Variants in QRSL1 observed in about 807,000 individuals in gnomAD.
QRSL1 encodes the protein glutamyl-tRNA(Gln) amidotransferase subunit A, mitochondrial.
Under a neutral mutation model 61.6 loss-of-function variants are expected in QRSL1, and 54 were observed. The observed-to-expected ratio is 0.88, with a 90% CI of 0.70 to 1.10. The LOEUF (loss-of-function observed/expected upper bound fraction) is 1.10. Ranked by LOEUF, QRSL1 falls within the 50% of genes least tolerant of loss-of-function variation. The pLI is 0.00. For missense variants in QRSL1, 505 were observed against 622.6 expected (o/e 0.81, Z 2.01); for synonymous variants, 228 against 225.7 (o/e 1.01, Z -0.09).
intron 1 of QRSL1, 137 bp downstream of exon 1, chr6:106,629,842 C>T: frequency 9.5e-7 from 1 of 1,048,626 alleles, no homozygotes; most frequent in Non-Finnish European, 1.4e-6. Context: ...GGGATAAGTA[C>T]CTTTCGATTC....
At chr6:106,643,553 G>C (rs1777056047) in intron 4 of QRSL1, among the ~76,000 whole-genome samples, 1 of 152,056 alleles carries the variant, frequency 6.6e-6, no homozygotes, top group Non-Finnish European at 1.5e-5. Flanking sequence ...GGTGGCGCAT[G>C]CCTGTAATCC....
Position 106,666,052 on chromosome 6 carries a change from AC to A in QRSL1, c.*52del. On this transcript the variant is annotated 3_prime_UTR_variant, in exon 11 of 11. Coordinates refer to ENST00000369046, the MANE Select transcript of QRSL1 (RefSeq NM_018292.5). Reference sequence around the variant, plus strand: ...TTTTAGGCTGGGTGCAGTGGCTCACACCTGTAATCCCAGCACTTTGGGAGGC... The same window carrying A: ...TTTTAGGCTGGGTGCAGTGGCTCACACTGTAATCCCAGCACTTTGGGAGGC... 1 of 1,480,836 alleles carries A rather than the reference AC, an allele frequency of 6.8e-7. No homozygotes were observed. The highest frequency in any genetic ancestry group is 9.4e-7 in the Non-Finnish European group (1 of 1,065,592). The allele number at this position is 1,480,836 out of a possible 1,614,324, so 91.7% of individuals were successfully genotyped here.
At chr6:106,660,250 G>C (rs2114717086) in intron 9 of QRSL1, among the ~76,000 whole-genome samples, 1 of 152,216 alleles carries the variant, frequency 6.6e-6, no homozygotes, top group East Asian at 1.9e-4. Flanking sequence ...CCAAGCCGGA[G>C]TGCATTGGCA....
At chr6:106,642,199 G>A (rs183537700) in intron 3 of QRSL1, among the ~76,000 whole-genome samples, 1 of 152,068 alleles carries the variant, frequency 6.6e-6, no homozygotes, top group Non-Finnish European at 1.5e-5. Flanking sequence ...GAAATTACAG[G>A]CATGCACCAC....
chr6:106,661,953 C>T lies in QRSL1; in HGVS notation c.1161-1027C>T, dbSNP rs183553598. Among the ~76,000 whole-genome samples, 37 of 152,124 alleles carry T rather than the reference C, an allele frequency of 2.4e-4. 1 individual carries two copies. The East Asian group carries it at 7.2e-3, about 29-fold the overall frequency. ...CTTAAACTCTCAGCCGCAGGTGATC[C>T]ACCCACCTCGGCCTCCCAAAGTGCT... On this transcript the variant is annotated intron_variant, in intron 9 of 10. Coordinates refer to ENST00000369046, the MANE Select transcript of QRSL1 (RefSeq NM_018292.5).
At chr6:106,642,927 A>C (rs1010229620) in intron 3 of QRSL1, 67 bp from the exon 4 acceptor site, 8 of 1,090,558 alleles carry the variant, frequency 7.3e-6, no homozygotes, top group Non-Finnish European at 1.1e-5. Flanking sequence ...TTCATGGCAT[A>C]ATAGGTATAA....
At position 106,666,828 on chromosome 6, in the gene QRSL1, A is replaced by C. The variant is rs1204655311; in HGVS notation, c.*826A>C. 6.6e-6 allele frequency: 1 copy of C among 152,262 alleles called. No homozygotes were observed. Among genetic ancestry groups the C allele is most frequent in the Admixed American group, 6.5e-5 (1 of 15,280 alleles). The allele number at this position is 152,262 out of a possible 1,614,324, so 9.4% of individuals were successfully genotyped here. A position where few individuals can be genotyped will look rare whatever the true frequency, so the allele number is the denominator to read the frequency against. ...AACTTTGAGCACAGGAGGAAATGCA[A>C]CCAGTCAGGGCCCAGAATCATGCAA... On this transcript the variant is annotated 3_prime_UTR_variant, in exon 11 of 11. Transcript: ENST00000369046.
chr6:106,635,921 TGTTAA>T (rs573305666), intron 1 of QRSL1, among the ~76,000 whole-genome samples: 14 of 152,066 alleles, frequency 9.2e-5, no homozygotes, highest in Non-Finnish European at 1.9e-4. Context: ...TAATGCTGTC[TGTTAA>T]GTTAATTAAA....
chr6:106,645,201 G>C (rs1186224605), intron 4 of QRSL1, among the ~76,000 whole-genome samples: 1 of 151,982 alleles, frequency 6.6e-6, no homozygotes, highest in Non-Finnish European at 1.5e-5. Context: ...ACATAATCTA[G>C]ATCTGTTATA....
intron 1 of QRSL1, among the ~76,000 whole-genome samples, chr6:106,637,892 T>A (rs977553584): frequency 6.6e-6 from 1 of 152,186 alleles, no homozygotes; most frequent in Non-Finnish European, 1.5e-5. Context: ...CCTTATTGAT[T>A]TTTTTTCTCA....
intron 3 of QRSL1, among the ~76,000 whole-genome samples, chr6:106,641,564 C>T (rs1429217086): frequency 6.6e-6 from 1 of 152,040 alleles, no homozygotes; most frequent in African/African-American, 2.4e-5. Context: ...TAGGAAGAAA[C>T]AGAAATAGAA....
rs1158251710 is a variant in QRSL1 at position 106,665,958 on chromosome 6, G to A, written c.1543G>A (p.Val515Ile). 1 of 1,614,008 alleles carries A rather than the reference G, an allele frequency of 6.2e-7. No individual in the cohort carries two copies. The highest frequency in any genetic ancestry group is 1.7e-5 in the Admixed American group (1 of 60,022). The stretch of plus-strand genomic sequence containing the variant: ...AGAACTCATGGATGATTGTTCAGCA[G>A]TCCTTGAAAATGAAAAGTTAGCCTC... ...LQELMDDCSA[V>I]LENEKLASVS... The change falls in exon 11 of 11, where the codon GTC (valine) becomes ATC (isoleucine). Residue 515 changes from valine to isoleucine, a missense_variant. Physicochemically the swap from Val to Ile is conservative, Grantham distance 29. Coordinates refer to ENST00000369046, the MANE Select transcript of QRSL1 (RefSeq NM_018292.5).
Position 106,654,845 on chromosome 6 carries a change from A to T in QRSL1, c.965A>T (p.Tyr322Phe). Reference sequence around the variant, plus strand: ...GAAGTATCCCTTCCTCACACCAGTTATTCAATTGTCTGCTACCATGTATTG... The same window carrying T: ...GAAGTATCCCTTCCTCACACCAGTTTTTCAATTGTCTGCTACCATGTATTG... Reference protein sequence around the residue: ...VIEVSLPHTSYSIVCYHVLCT... With the variant: ...VIEVSLPHTSFSIVCYHVLCT... Residue 322 changes from tyrosine to phenylalanine, a missense_variant, in exon 8 of 11, where the codon TAT (tyrosine) becomes TTT (phenylalanine). Transcript: ENST00000369046. 5.0e-6 allele frequency: 8 copies of T among 1,613,958 alleles called. No individual in the cohort carries two copies. The highest frequency in any genetic ancestry group is 2.2e-5 in the East Asian group (1 of 44,874).
At position 106,652,390 on chromosome 6, in the gene QRSL1, T is replaced by C. The variant is rs1562169794; in HGVS notation, c.733+6T>C. The C allele has an allele frequency of 2.5e-6, 4 of 1,613,700 alleles. No individual in the cohort carries two copies. The Admixed American group carries it at 6.7e-5, about 27-fold the overall frequency. On this transcript the variant is annotated splice_donor_region_variant and intron_variant, in intron 6 of 10. Coordinates refer to ENST00000369046, the MANE Select transcript of QRSL1 (RefSeq NM_018292.5). ...TGATGCAGCAATTGTGTTGGGTATT[T>C]ATATAATTCTATATCATTTGCAACA...
Position 106,652,467 on chromosome 6 carries a change from G to C in QRSL1, c.734G>C (p.Gly245Ala), listed in dbSNP as rs1777203268. The C allele has an allele frequency of 6.2e-7, 1 of 1,614,104 alleles. No individual in the cohort carries two copies. Among genetic ancestry groups the C allele is most frequent in the East Asian group, 2.2e-5 (1 of 44,892 alleles). Residue 245 changes from glycine (G) to alanine (A), a missense_variant and splice_region_variant, in exon 7 of 11, where the codon GGT becomes GCT. Coordinates refer to ENST00000369046, the MANE Select transcript of QRSL1 (RefSeq NM_018292.5). ...RCVDDAAIVL[G>A]ALAGPDPRDS... ...CATTCATAAGTATTGCTCCTTACAG[G>C]TGCACTGGCCGGACCTGACCCCAGG...
intron 5 of QRSL1, among the ~76,000 whole-genome samples, chr6:106,650,540 AC>A (rs1777175609): frequency 4.0e-4 from 1 of 2,508 alleles, no homozygotes; most frequent in Non-Finnish European, 9.9e-4. Flanking sequence ...TGATTTGTTT[AC>A]CCCTTTTTGA....
At chr6:106,636,398 G>A (rs572900391) in intron 1 of QRSL1, among the ~76,000 whole-genome samples, 60 of 149,202 alleles carry the variant, frequency 4.0e-4, no homozygotes, top group African/African-American at 1.4e-3. Context: ...TTGGCTCACT[G>A]CAACATCTGC....
In QRSL1 at chr6:106,645,614, T is replaced by C. The variant is rs1004035802; in HGVS notation, c.380+2524T>C. On this transcript the variant is annotated intron_variant, in intron 4 of 10. Coordinates refer to ENST00000369046, the MANE Select transcript of QRSL1 (RefSeq NM_018292.5). ...ATTTTTGTATTTTTAGTAGAGACAGTGTTTCACCATATTGGCCAGGCTGGT... is the reference window on the plus strand; with the variant it reads ...ATTTTTGTATTTTTAGTAGAGACAGCGTTTCACCATATTGGCCAGGCTGGT... Among the ~76,000 whole-genome samples, 12 of 152,116 alleles carry C rather than the reference T, an allele frequency of 7.9e-5. No homozygotes were observed. The South Asian group carries it at 2.3e-3, about 29-fold the overall frequency.
rs559137280 is a variant in QRSL1 at position 106,642,902 on chromosome 6, C to A, written c.284-92C>A. On this transcript the variant is annotated intron_variant, in intron 3 of 10. Coordinates refer to ENST00000369046, the MANE Select transcript of QRSL1 (RefSeq NM_018292.5). The stretch of plus-strand genomic sequence containing the variant: ...TGGGAAGGCTCCTGAGCTGTTGGAG[C>A]CTATTCCCTGTGAATTCATGGCATA... 187 of 929,582 alleles carry A rather than the reference C, an allele frequency of 2.0e-4. 2 individuals are homozygous for A. The South Asian group carries it at 2.1e-3, about 10-fold the overall frequency. 57.6% of individuals were successfully genotyped at this position (929,582 alleles called of 1,614,324 possible).
Sources: allele counts gnomAD v4.1 joint callset (sites outside exome capture counted in the v4.1 genomes callset), GRCh38; gene constraint gnomAD v4.1.1; transcripts MANE v1.5; gene names NCBI Gene and HGNC (gene_info 2026-07-23, HGNC 2026-07-21).